The following CX3CR1 variants were observed in gnomAD, a reference collection of about 807,000 sequenced individuals.
The protein encoded by CX3CR1 is CX3C chemokine receptor 1.
For missense variants in CX3CR1, 363 were observed against 432.4 expected, an observed-to-expected ratio of 0.84 and a Z score of 1.42; for synonymous variants, 168 against 178.5, an observed-to-expected ratio of 0.94 and a Z score of 0.47.
intron 1 of CX3CR1, among the ~76,000 whole-genome samples, chr3:39,275,541 T>C (rs967248317): frequency 6.6e-6 from 1 of 152,238 alleles, no homozygotes; most frequent in Non-Finnish European, 1.5e-5. Flanking sequence ...TTGTTTGCCT[T>C]GATAACATGT....
chr3:39,279,257 C>G (rs2040871820), intron 1 of CX3CR1, among the ~76,000 whole-genome samples: 1 of 151,942 alleles, frequency 6.6e-6, no homozygotes, highest in Non-Finnish European at 1.5e-5. Flanking sequence ...AAAAAAAAAC[C>G]CATGAAACTA....
the CX3CR1 span, chr3:39,287,928 T>C: frequency 4.6e-5 from 7 of 152,182 alleles, no homozygotes; most frequent in Admixed American, 4.6e-4. Flanking sequence ...GGATGTGAAT[T>C]AAGCAACAGT....
upstream of CX3CR1, chr3:39,280,423 G>A: frequency 1.0e-6 from 1 of 985,492 alleles, no homozygotes; most frequent in Non-Finnish European, 1.2e-6. Context: ...GGCACACACA[G>A]CTCTTCTCCT....
chr3:39,269,344 C>T (rs1455243383), intron 1 of CX3CR1, among the ~76,000 whole-genome samples: 1 of 152,114 alleles, frequency 6.6e-6, no homozygotes, highest in African/African-American at 2.4e-5. Flanking sequence ...GGGCTCAGGG[C>T]TGCCACGTGC....
At chr3:39,279,841 C>G in intron 1 of CX3CR1, 113 bp downstream of exon 1, 1 of 335,050 alleles carries the variant, frequency 3.0e-6, no homozygotes, top group Non-Finnish European at 4.2e-6. Flanking sequence ...GCTACAACAT[C>G]CCCAGGAAAA....
At position 39,264,142 on chromosome 3, in the gene CX3CR1, G is replaced by A. The variant is rs1220614363; in HGVS notation, c.*1300C>T. 1 of 152,254 alleles carries A rather than the reference G, an allele frequency of 6.6e-6. No individual in the cohort carries two copies. The highest frequency in any genetic ancestry group is 1.9e-4 in the East Asian group (1 of 5,200). 9.4% of individuals were successfully genotyped at this position (152,254 alleles called of 1,614,324 possible). Reference sequence around the variant, plus strand: ...AGGCTATCACTCTGTAGACTTGGGAGTGCTCACTGGGTGCCATCGTAAGAA... The same window carrying A: ...AGGCTATCACTCTGTAGACTTGGGAATGCTCACTGGGTGCCATCGTAAGAA... On this transcript the variant is annotated 3_prime_UTR_variant, in exon 2 of 2. Transcript: ENST00000399220.
chr3:39,284,734 TG>T (rs1559372212), upstream of CX3CR1, among the ~76,000 whole-genome samples: 1 of 152,082 alleles, frequency 6.6e-6, no homozygotes, highest in Non-Finnish European at 1.5e-5. Context: ...GATGATGAAA[TG>T]GGGAGAAAAG....
At chr3:39,286,514 G>A (rs1389319368), upstream of CX3CR1, 4 of 151,740 alleles carry the variant, frequency 2.6e-5, no homozygotes, top group South Asian at 6.3e-4. Flanking sequence ...AGCCGGGCGC[G>A]GTGGCGGGCG....
intron 1 of CX3CR1, among the ~76,000 whole-genome samples, chr3:39,270,531 C>T (rs1253874233): frequency 6.6e-6 from 1 of 152,220 alleles, no homozygotes; most frequent in Non-Finnish European, 1.5e-5. Context: ...TATATTCTGT[C>T]ATGCAACAAT....
chr3:39,281,434 G>A (rs372457385), upstream of CX3CR1, among the ~76,000 whole-genome samples: 18 of 151,478 alleles, frequency 1.2e-4, no homozygotes, highest in African/African-American at 4.4e-4. Context: ...TCTTGGATCT[G>A]GCCAAGACTC....
intron 1 of CX3CR1, 67 bp from the exon 2 acceptor site, chr3:39,266,585 GC>G: frequency 6.7e-7 from 1 of 1,495,182 alleles, no homozygotes; most frequent in East Asian, 2.3e-5. Flanking sequence ...ATTCTGTGTG[GC>G]CTCATATGTA....
intron 1 of CX3CR1, among the ~76,000 whole-genome samples, chr3:39,270,342 T>C (rs1178728674): frequency 1.3e-5 from 2 of 152,230 alleles, no homozygotes; most frequent in Non-Finnish European, 2.9e-5. Context: ...AGCAAGTGTG[T>C]ACACTGTCAC....
chr3:39,278,076 G>A (rs918645351), intron 1 of CX3CR1, among the ~76,000 whole-genome samples: 20 of 152,180 alleles, frequency 1.3e-4, no homozygotes, highest in African/African-American at 4.8e-4. Flanking sequence ...CAAGTGCAGA[G>A]CCAGGACTTC....
chr3:39,290,877 C>T, the CX3CR1 span, among the ~76,000 whole-genome samples: 28 of 151,534 alleles, frequency 1.8e-4, no homozygotes, highest in Admixed American at 2.6e-4. Context: ...GCTGAGATCG[C>T]GCCATTGCAC....
intron 1 of CX3CR1, among the ~76,000 whole-genome samples, chr3:39,270,388 C>A (rs1003392753): frequency 1.1e-4 from 17 of 152,332 alleles, no homozygotes; most frequent in African/African-American, 4.1e-4. Flanking sequence ...AGGGAAACAA[C>A]CCCAATGTCC....
At chr3:39,281,711 C>A (rs762238529), upstream of CX3CR1, 7 of 1,586,694 alleles carry the variant, frequency 4.4e-6, no homozygotes, top group Non-Finnish European at 6.0e-6. Context: ...TTTAAGTCCA[C>A]GGCCTGGTAA....
At position 39,265,684 on chromosome 3, in the gene CX3CR1, T is replaced by A; in HGVS notation, c.826A>T (p.Ser276Cys). Residue 276 changes from serine (S) to cysteine (C), a missense_variant, in exon 2 of 2, where the codon AGT becomes TGT. Ser to Cys is a moderately radical substitution (Grantham distance 112, BLOSUM62 -1). Coordinates refer to ENST00000399220, the MANE Select transcript of CX3CR1 (RefSeq NM_001337.4). ...DMRKDLRLAL[S>C]VTETVAFSHC... The stretch of plus-strand genomic sequence containing the variant: ...CTAAATGCAACCGTCTCAGTCACAC[T>A]GAGGGCCAGCCTCAGATCCTTCCTC... 6.2e-7 allele frequency: 1 copy of A among 1,614,192 alleles called. No homozygotes were observed. Among genetic ancestry groups the A allele is most frequent in the Non-Finnish European group, 8.5e-7 (1 of 1,180,032 alleles).
At chr3:39,280,523 G>A (rs1306856142), upstream of CX3CR1, 1 of 948,534 alleles carries the variant, frequency 1.1e-6, no homozygotes, top group African/African-American at 1.8e-5. Flanking sequence ...GCATTTTAAT[G>A]AAATTCTTAG....
Position 39,265,222 on chromosome 3 carries a change from G to T in CX3CR1, c.*220C>A. The T allele has an allele frequency of 2.0e-6, 1 of 496,886 alleles. No homozygotes were observed. Among genetic ancestry groups the T allele is most frequent in the South Asian group, 3.8e-5 (1 of 25,976 alleles). 30.8% of individuals were successfully genotyped at this position (496,886 alleles called of 1,614,324 possible). A position where few individuals can be genotyped will look rare whatever the true frequency, so the allele number is the denominator to read the frequency against. On this transcript the variant is annotated 3_prime_UTR_variant, in exon 2 of 2. Transcript: ENST00000399220. ...AAACCAAAAAGTTCTGATGACATTT[G>T]CAGTAAGAGAAATGTCTACTCTTTG...
Sources: gnomAD v4.1 joint callset for allele counts (sites outside exome capture counted in the v4.1 genomes callset) on GRCh38, gnomAD v4.1.1 for gene constraint, MANE v1.5 for transcripts, NCBI Gene and HGNC (gene_info 2026-07-23, HGNC 2026-07-21) for gene names.